Variants in RYR3 observed in about 807,000 individuals in gnomAD.
RYR3 encodes ryanodine receptor 3, also known as brain ryanodine receptor-calcium release channel.
RYR3 carries 207 observed loss-of-function variants against 584.3 expected under a neutral mutation model. The observed-to-expected ratio is 0.35, with a 90% CI of 0.32 to 0.40. The LOEUF (loss-of-function observed/expected upper bound fraction) is 0.40, where lower values mean the gene tolerates loss of function less well. Among genes scored for constraint, RYR3 ranks in the 10% least tolerant of loss-of-function variants. The probability of loss-of-function intolerance (pLI) is 1.00; values close to 1 mark genes in which losing one functional copy is unlikely to be tolerated. For missense variants in RYR3, 5,616 were observed against 6,089.2 expected, an observed-to-expected ratio of 0.92 and a Z score of 2.59; for synonymous variants, 2,416 against 2,248.5, an observed-to-expected ratio of 1.07 and a Z score of -2.11.
intron 102 of RYR3, among the ~76,000 whole-genome samples, chr15:33,861,498 TAAACAAAGA>T (rs1280595999): frequency 4.0e-5 from 6 of 151,430 alleles, no homozygotes; most frequent in Non-Finnish European, 8.8e-5. Flanking sequence ...TTTTTAATCC[TAAACAAAGA>T]AAAATCTGTG....
intron 3 of RYR3, among the ~76,000 whole-genome samples, chr15:33,523,905 C>G (rs1243293862): frequency 2.0e-5 from 3 of 152,006 alleles, no homozygotes; most frequent in Non-Finnish European, 4.4e-5. Context: ...CCGTGTAACA[C>G]CAAGGGTAAA....
At chr15:33,748,422 C>T in intron 54 of RYR3, 46 bp from the exon 55 acceptor site, 1 of 1,591,900 alleles carries the variant, frequency 6.3e-7, no homozygotes, top group Non-Finnish European at 8.6e-7. Context: ...CTGATAAGAA[C>T]AAGGAAAATA....
intron 2 of RYR3, among the ~76,000 whole-genome samples, chr15:33,488,711 G>A (rs924491224): frequency 6.6e-6 from 1 of 152,068 alleles, no homozygotes; most frequent in African/African-American, 2.4e-5. Flanking sequence ...AATTAGCCAG[G>A]CATGGTGACA....
At chr15:33,748,572 G>A in intron 55 of RYR3, 42 bp downstream of exon 55, 1 of 1,504,022 alleles carries the variant, frequency 6.6e-7, no homozygotes. Flanking sequence ...TCAAGTGCAG[G>A]ACGCATTACC....
At chr15:33,719,691 A>G (rs1360769830) in intron 43 of RYR3, among the ~76,000 whole-genome samples, 1 of 152,248 alleles carries the variant, frequency 6.6e-6, no homozygotes, top group Non-Finnish European at 1.5e-5. Flanking sequence ...GTCTGAGACC[A>G]CTGGCTTTTA....
intron 16 of RYR3, among the ~76,000 whole-genome samples, chr15:33,587,726 A>G (rs1389873075): frequency 6.6e-6 from 1 of 152,212 alleles, no homozygotes; most frequent in Admixed American, 6.5e-5. Context: ...ATCTTTGGAT[A>G]GATTTTTGGG....
chr15:33,791,883 G>C (rs1402443626), intron 67 of RYR3, among the ~76,000 whole-genome samples: 1 of 152,154 alleles, frequency 6.6e-6, no homozygotes, highest in Non-Finnish European at 1.5e-5. Flanking sequence ...AGGATCAAAG[G>C]ATTGTTGGAG....
Position 33,843,590 on chromosome 15 carries a change from G to A in RYR3, c.13296+16G>A. 2.0e-6 allele frequency: 3 copies of A among 1,508,052 alleles called. No individual in the cohort carries two copies. Among genetic ancestry groups the A allele is most frequent in the Non-Finnish European group, 2.7e-6 (3 of 1,101,434 alleles). 93.4% of individuals were successfully genotyped at this position (1,508,052 alleles called of 1,614,324 possible). ...TTTTTATAAGGTGATACTTCATTCA[G>A]GGGTTATTTGCTAAATATGCTGTAT... On this transcript the variant is annotated intron_variant, in intron 92 of 103. Transcript: ENST00000634891.
intron 67 of RYR3, among the ~76,000 whole-genome samples, chr15:33,789,624 TTATATATATATATATATATATATATA>T: frequency 8.5e-5 from 1 of 11,696 alleles, no homozygotes; most frequent in Non-Finnish European, 1.7e-4. Flanking sequence ...AGGTTTTATT[TTATATATATATATATATATATATATA>T]TATATATATT....
chr15:33,388,149 C>A (rs1289088020), intron 1 of RYR3, among the ~76,000 whole-genome samples: 1 of 152,088 alleles, frequency 6.6e-6, no homozygotes, highest in Non-Finnish European at 1.5e-5. Flanking sequence ...AACATAAGAA[C>A]AGGCCACCTG....
chr15:33,337,056 CAAAAAA>C (rs71117134), intron 1 of RYR3, among the ~76,000 whole-genome samples: 11 of 48,978 alleles, frequency 2.2e-4, no homozygotes, highest in East Asian at 8.8e-4. Context: ...GACTCCGTCT[CAAAAAA>C]AAAAAAAAAA....
rs761928983 is a variant in RYR3, at chr15:33,826,266, C to T, written c.11161C>T (p.Arg3721Cys). 5 of 1,613,590 alleles carry T rather than the reference C, an allele frequency of 3.1e-6. No individual in the cohort carries two copies. Among genetic ancestry groups the T allele is most frequent in the East Asian group, 2.2e-5 (1 of 44,892 alleles). The change falls in exon 83 of 104, where the codon CGT becomes TGT. Residue 3721 changes from arginine (R) to cysteine (C), a missense_variant. Arg to Cys is a radical substitution (Grantham distance 180). Around this residue, in one of 9 missense-constraint regions of RYR3, gnomAD observed 954 missense variants for 1,132.2 expected, o/e 0.84. Transcript: ENST00000634891. ...CTCATTACCAGTCATTGTTCGGGAA[C>T]GTGGTAAGTTTCAGTTTCTGGCCTG... Reference protein sequence around the residue: ...TEEGTLIVRERGEKVLQNDEF... With the variant: ...TEEGTLIVRECGEKVLQNDEF...
intron 63 of RYR3, among the ~76,000 whole-genome samples, chr15:33,773,005 T>C (rs1415560962): frequency 6.6e-6 from 1 of 152,186 alleles, no homozygotes; most frequent in Non-Finnish European, 1.5e-5. Flanking sequence ...GATAAAATCA[T>C]ACTATTGAAT....
chr15:33,841,893 A>G lies in RYR3; in HGVS notation c.13067A>G (p.Asp4356Gly). 1 of 1,596,850 alleles carries G rather than the reference A, an allele frequency of 6.3e-7. No homozygotes were observed. The highest frequency in any genetic ancestry group is 8.5e-7 in the Non-Finnish European group (1 of 1,171,748). Reference protein sequence around the residue: ...DMEDGEKEDKDKEEEQAEYLW... With the variant: ...DMEDGEKEDKGKEEEQAEYLW... ...GAAGATGGAGAGAAGGAAGACAAAG[A>G]CAAAGAAGAGGAGCAAGCTGAGTAC... Residue 4356 changes from aspartate (D) to glycine (G), a missense_variant, in exon 91 of 104, where the codon GAC becomes GGC. Asp to Gly is a moderately conservative substitution (Grantham distance 94). Transcript: ENST00000634891.
At chr15:33,593,698 G>C (rs763692454) in intron 16 of RYR3, among the ~76,000 whole-genome samples, 3 of 152,078 alleles carry the variant, frequency 2.0e-5, no homozygotes, top group Non-Finnish European at 2.9e-5. Context: ...ACATTATTTC[G>C]AAGACTTTTA....
At chr15:33,850,203 AC>A (rs1374874475) in intron 94 of RYR3, 21 of 152,122 alleles carry the variant, frequency 1.4e-4, no homozygotes, top group African/African-American at 5.1e-4. Context: ...ACATAGTGAA[AC>A]CCCGTCTCTA....
Position 33,838,421 on chromosome 15 carries a change from C to G in RYR3, c.12441C>G (p.Ala4147=), listed in dbSNP as rs1288148751. ...CCTCTGCATTTGCTATGGCCTGTGC[C>G]TCTGTGAAGAGGAATGTCACCGACT... ...EPASAFAMAC[A]SVKRNVTDFL... is the part of the protein sequence containing the mutation. The change falls in exon 89 of 104, where the codon GCC becomes GCG. Residue 4147 remains alanine, a synonymous_variant. Coordinates refer to ENST00000634891, the MANE Select transcript of RYR3 (RefSeq NM_001036.6). The G allele has an allele frequency of 6.2e-7, 1 of 1,613,876 alleles. No individual in the cohort carries two copies. Among genetic ancestry groups the G allele is most frequent in the Non-Finnish European group, 8.5e-7 (1 of 1,179,906 alleles).
intron 81 of RYR3, among the ~76,000 whole-genome samples, chr15:33,823,977 C>T (rs919471): frequency 0.93 from 141,042 of 152,230 alleles, 65,394 homozygotes; most frequent in East Asian, 1. Context: ...AGGGAGCATA[C>T]GTGAGCTGCA....
intron 16 of RYR3, among the ~76,000 whole-genome samples, chr15:33,589,519 C>G (rs534035428): frequency 2.0e-5 from 3 of 152,166 alleles, no homozygotes; most frequent in Non-Finnish European, 4.4e-5. Flanking sequence ...ACGTCTTAGT[C>G]ATAAATTCTT....
Sources: allele counts gnomAD v4.1 joint callset (sites outside exome capture counted in the v4.1 genomes callset), GRCh38; gene constraint gnomAD v4.1.1; regional missense constraint gnomAD v4.1.1; transcripts MANE v1.5; gene names NCBI Gene and HGNC (gene_info 2026-07-23, HGNC 2026-07-21).